The following PDE8B variants were observed in gnomAD, a reference collection of about 807,000 sequenced individuals.
The protein encoded by PDE8B is high affinity cAMP-specific and IBMX-insensitive 3',5'-cyclic phosphodiesterase 8B.
Under a neutral mutation model 101.3 loss-of-function variants are expected in PDE8B, and 26 were observed. The ratio of observed to expected loss-of-function variants is 0.26; its 90% CI spans 0.19 to 0.36. PDE8B has a LOEUF of 0.36. Ranked by LOEUF, PDE8B falls within the 10% of genes least tolerant of loss-of-function variation. The probability of loss-of-function intolerance (pLI) is 1.00; values close to 1 mark genes in which losing one functional copy is unlikely to be tolerated. For synonymous variants in PDE8B, 424 were observed against 429.3 expected, an observed-to-expected ratio of 0.99 and a Z score of 0.15; for missense variants, 810 against 1,163.1, an observed-to-expected ratio of 0.70 and a Z score of 4.42.
chr5:77,217,645 C>T (rs922460884), intron 1 of PDE8B, among the ~76,000 whole-genome samples: 8 of 151,992 alleles, frequency 5.3e-5, no homozygotes, highest in African/African-American at 1.9e-4. Flanking sequence ...AAGCTATCCT[C>T]CTGCCTCAGC....
rs1313624528 is a variant in PDE8B, at chr5:77,420,861, A to G, written c.2251-960A>G. Among the ~76,000 whole-genome samples the G allele has an allele frequency of 2.0e-5, 3 of 152,200 alleles. No homozygotes were observed. The East Asian group carries it at 5.8e-4, about 29-fold the overall frequency. On this transcript the variant is annotated intron_variant, in intron 19 of 21. Transcript: ENST00000264917. ...ATTAACTGCAGTATTTATAGTAAAC[A>G]GTATTACTTTGATAAGTAATCAAAA... is the stretch of plus-strand genomic sequence containing the variant.
chr5:77,377,784 A>C (rs1389059951), intron 10 of PDE8B, among the ~76,000 whole-genome samples: 1 of 152,174 alleles, frequency 6.6e-6, no homozygotes, highest in Non-Finnish European at 1.5e-5. Context: ...AGGCAGTGGA[A>C]GTGCAAATTT....
intron 1 of PDE8B, among the ~76,000 whole-genome samples, chr5:77,274,591 C>A (rs753080271): frequency 1.3e-5 from 2 of 152,128 alleles, no homozygotes; most frequent in African/African-American, 2.4e-5. Context: ...TATTCTGAGA[C>A]CTACAGATTT....
the PDE8B span, chr5:77,145,486 T>C: frequency 3.9e-5 from 6 of 152,184 alleles, no homozygotes; most frequent in Admixed American, 1.3e-4. Flanking sequence ...TTTGTTAAAA[T>C]CTCAGGAAGA....
chr5:77,289,846 A>G (rs1441820906), intron 1 of PDE8B, among the ~76,000 whole-genome samples: 1 of 152,178 alleles, frequency 6.6e-6, no homozygotes, highest in African/African-American at 2.4e-5. Context: ...AGAAGTTGAC[A>G]TTTGTGTTTT....
the PDE8B span, among the ~76,000 whole-genome samples, chr5:77,162,968 A>T: frequency 6.6e-6 from 1 of 152,224 alleles, no homozygotes; most frequent in Non-Finnish European, 1.5e-5. Context: ...ACCAGACTTA[A>T]GGACTAAACA....
intron 10 of PDE8B, among the ~76,000 whole-genome samples, chr5:77,369,914 T>G (rs540715246): frequency 6.6e-6 from 1 of 152,344 alleles, no homozygotes; most frequent in African/African-American, 2.4e-5. Context: ...AGCATTTTAT[T>G]GTGAAAATTG....
chr5:77,252,133 A>T (rs1758186873), intron 1 of PDE8B, among the ~76,000 whole-genome samples: 1 of 152,184 alleles, frequency 6.6e-6, no homozygotes, highest in Non-Finnish European at 1.5e-5. Context: ...GCAAGGCTTG[A>T]GGTGTCCTAG....
intron 1 of PDE8B, among the ~76,000 whole-genome samples, chr5:77,219,894 T>G (rs1250357943): frequency 6.6e-6 from 1 of 152,168 alleles, no homozygotes; most frequent in Non-Finnish European, 1.5e-5. Flanking sequence ...ATCAGCTTAG[T>G]CTGTGCCTGT....
intron 1 of PDE8B, among the ~76,000 whole-genome samples, chr5:77,307,223 C>T (rs375248151): frequency 6.6e-6 from 1 of 152,146 alleles, no homozygotes; most frequent in Non-Finnish European, 1.5e-5. Context: ...ATGCCTGTGC[C>T]TGTGCTGTTC....
intron 15 of PDE8B, among the ~76,000 whole-genome samples, 159 bp from the exon 16 acceptor site, chr5:77,411,941 A>T (rs1794651940): frequency 6.6e-6 from 1 of 152,254 alleles, no homozygotes; most frequent in Non-Finnish European, 1.5e-5. Context: ...AACAGAGTTA[A>T]AGTGAATTAT....
At chr5:77,099,467 A>G in the PDE8B span, among the ~76,000 whole-genome samples, 2 of 152,184 alleles carry the variant, frequency 1.3e-5, no homozygotes, top group Non-Finnish European at 2.9e-5. Flanking sequence ...AGTAACTCCA[A>G]TGTGGTCTGC....
intron 1 of PDE8B, among the ~76,000 whole-genome samples, chr5:77,249,702 T>C (rs1757671152): frequency 6.6e-6 from 1 of 152,230 alleles, no homozygotes; most frequent in South Asian, 2.1e-4. Context: ...GGGGAAGGTG[T>C]TAGCGGCATC....
chr5:77,287,506 A>G (rs1043008414), intron 1 of PDE8B, among the ~76,000 whole-genome samples: 1 of 151,550 alleles, frequency 6.6e-6, no homozygotes, highest in Non-Finnish European at 1.5e-5. Flanking sequence ...TGTTTCTTCA[A>G]TATTGGAATA....
chr5:77,163,066 T>A, the PDE8B span, among the ~76,000 whole-genome samples: 1 of 152,236 alleles, frequency 6.6e-6, no homozygotes, highest in African/African-American at 2.4e-5. Context: ...TATGTCTTAT[T>A]TCTCAAAGTA....
chr5:77,392,923 T>C (rs1393111802), intron 10 of PDE8B, among the ~76,000 whole-genome samples: 4 of 152,164 alleles, frequency 2.6e-5, no homozygotes, highest in Non-Finnish European at 5.9e-5. Flanking sequence ...ATTAATAATT[T>C]GAATAGTAGA....
intron 10 of PDE8B, among the ~76,000 whole-genome samples, chr5:77,360,046 A>T (rs1782811822): frequency 6.6e-6 from 1 of 151,552 alleles, no homozygotes; most frequent in Admixed American, 6.6e-5. Context: ...AGCCAAGATC[A>T]TGCCGCTGCA....
chr5:77,146,448 A>C, the PDE8B span: 2 of 153,116 alleles, frequency 1.3e-5, no homozygotes, highest in African/African-American at 4.8e-5. Context: ...GATTATGTTT[A>C]CATGATTATA....
chr5:77,295,379 G>A (rs1768295051), intron 1 of PDE8B, among the ~76,000 whole-genome samples: 1 of 152,142 alleles, frequency 6.6e-6, no homozygotes, highest in African/African-American at 2.4e-5. Flanking sequence ...GTGAGACTTT[G>A]GGGTACGTTA....
Sources: gnomAD v4.1 joint callset for allele counts (sites outside exome capture counted in the v4.1 genomes callset) on GRCh38, gnomAD v4.1.1 for gene constraint, MANE v1.5 for transcripts, NCBI Gene and HGNC (gene_info 2026-07-23, HGNC 2026-07-21) for gene names.